PCDHGA5: variants seen among roughly 807,000 people sequenced by gnomAD.
PCDHGA5 encodes protocadherin gamma-A5.
In PCDHGA5, 36 loss-of-function variants were observed where a neutral mutation model predicts 56.7. The observed-to-expected ratio is 0.64, with a 90% confidence interval of 0.49 to 0.84. The LOEUF (loss-of-function observed/expected upper bound fraction) is 0.84. Among genes scored for constraint, PCDHGA5 ranks in the 40% least tolerant of loss-of-function variants. The probability of loss-of-function intolerance (pLI) is 0.00; values close to 1 mark genes in which losing one functional copy is unlikely to be tolerated. For missense variants in PCDHGA5, 1,305 were observed against 1,201.5 expected, an observed-to-expected ratio of 1.09 and a Z score of -1.27; for synonymous variants, 563 against 520.2, an observed-to-expected ratio of 1.08 and a Z score of -1.12.
intron 1 of PCDHGA5, among the ~76,000 whole-genome samples, chr5:141,458,821 C>T (rs1220034390): frequency 6.6e-6 from 1 of 152,146 alleles, no homozygotes; most frequent in Non-Finnish European, 1.5e-5. Flanking sequence ...CAACCTCTGC[C>T]TCCCAGGCTC....
Position 141,485,992 on chromosome 5 carries a change from C to T in PCDHGA5, c.2422-8815C>T. The T allele has an allele frequency of 6.2e-7, 1 of 1,614,156 alleles. No individual in the cohort carries two copies. The highest frequency in any genetic ancestry group is 2.2e-5 in the East Asian group (1 of 44,870). On this transcript the variant is annotated intron_variant, in intron 1 of 3. Coordinates refer to ENST00000518069, the MANE Select transcript of PCDHGA5 (RefSeq NM_018918.3). The surrounding 1 kb of genome is among the most constrained non-coding windows in gnomAD (Gnocchi z 5.7). ...ATGCCTCAGACCCGGACCTGGGTCC[C>T]AGTGGTAACGTCACCTTTTATTTCA...
intron 1 of PCDHGA5, chr5:141,415,748 T>TTG (rs2095929710): frequency 9.9e-7 from 1 of 1,008,886 alleles, no homozygotes; most frequent in South Asian, 2.7e-5. Context: ...AGGTTTTTTT[T>TTG]TTTTTTTTTT....
At chr5:141,426,174 G>A (rs1213063298) in intron 1 of PCDHGA5, 1 of 155,354 alleles carries the variant, frequency 6.4e-6, no homozygotes, top group Non-Finnish European at 1.4e-5. Flanking sequence ...ACGGATTGGG[G>A]TGCCCTCAAA....
At chr5:141,398,496 C>G (rs1435117425) in intron 1 of PCDHGA5, 2 of 1,608,668 alleles carry the variant, frequency 1.2e-6, no homozygotes, top group Admixed American at 1.7e-5. Context: ...ATGTGGAGAT[C>G]GAGGACATTA....
intron 1 of PCDHGA5, chr5:141,423,903 AG>A: frequency 7.8e-7 from 1 of 1,276,130 alleles, no homozygotes. Context: ...TTGATTTCAA[AG>A]GGGCCATTCA....
In PCDHGA5 at chr5:141,398,847, G is replaced by A. The variant is rs773663002; in HGVS notation, c.2421+32096G>A. On this transcript the variant is annotated intron_variant, in intron 1 of 3. Coordinates refer to ENST00000518069, the MANE Select transcript of PCDHGA5 (RefSeq NM_018918.3). Reference sequence around the variant, plus strand: ...TAACCGACGCCAATGATAATCCCCCGGTATTCAACCGAGACGTGTACAGAG... The same window carrying A: ...TAACCGACGCCAATGATAATCCCCCAGTATTCAACCGAGACGTGTACAGAG... The A allele has an allele frequency of 2.5e-6, 4 of 1,613,758 alleles. No homozygotes were observed. In the African/African-American group the frequency reaches 5.3e-5, roughly 22 times the overall value.
intron 1 of PCDHGA5, chr5:141,402,922 C>A: frequency 1.3e-6 from 2 of 1,576,446 alleles, no homozygotes; most frequent in Non-Finnish European, 8.6e-7. Flanking sequence ...GCACAGAGAT[C>A]CTTTTGAGAA....
rs778571401 is a variant in PCDHGA5, at chr5:141,371,690, C to T, written c.2421+4939C>T. On this transcript the variant is annotated intron_variant, in intron 1 of 3. Coordinates refer to ENST00000518069, the MANE Select transcript of PCDHGA5 (RefSeq NM_018918.3). ...CTACCGACAAAGGCAATCCACCGCTCTCCTCCAGCAAGACCATCACTCTGC... is the reference window on the plus strand; with the variant it reads ...CTACCGACAAAGGCAATCCACCGCTTTCCTCCAGCAAGACCATCACTCTGC... 14 of 1,614,078 alleles carry T rather than the reference C, an allele frequency of 8.7e-6. No homozygotes were observed. The Admixed American group carries it at 2.3e-4, about 27-fold the overall frequency.
intron 1 of PCDHGA5, chr5:141,413,362 C>G: frequency 1.2e-6 from 2 of 1,613,988 alleles, no homozygotes; most frequent in South Asian, 1.1e-5. Context: ...GCCCCGGGAG[C>G]TGGCGGAGCG....
intron 1 of PCDHGA5, among the ~76,000 whole-genome samples, chr5:141,470,598 G>A (rs2099234276): frequency 6.6e-6 from 1 of 152,184 alleles, no homozygotes; most frequent in Admixed American, 6.5e-5. Flanking sequence ...GGCGACCTGT[G>A]CGGGGACACA....
At chr5:141,387,967 C>G in intron 1 of PCDHGA5, 1 of 1,489,226 alleles carries the variant, frequency 6.7e-7, no homozygotes, top group Non-Finnish European at 9.0e-7. Flanking sequence ...TTCTGCCCGG[C>G]GCTCTGTGAG....
At chr5:141,456,119 C>G (rs902179639) in intron 1 of PCDHGA5, among the ~76,000 whole-genome samples, 3 of 151,826 alleles carry the variant, frequency 2.0e-5, no homozygotes, top group Non-Finnish European at 4.4e-5. Flanking sequence ...GGATGGTCTC[C>G]ATCTCCTGAC....
Position 141,431,674 on chromosome 5 carries a change from G to T in PCDHGA5, c.2422-63133G>T. 6.2e-7 allele frequency: 1 copy of T among 1,614,234 alleles called. No homozygotes were observed. ...ATTCAGGGACAATATCAACAATAGG[G>T]GAGTTGGACCACGAGGAGTCAGGAT... is the stretch of plus-strand genomic sequence containing the variant. On this transcript the variant is annotated intron_variant, in intron 1 of 3. Transcript: ENST00000518069. This position sits in a 1 kb window ranked among gnomAD's most constrained non-coding sequence, Gnocchi z 4.8.
At chr5:141,426,507 C>G in intron 1 of PCDHGA5, 1 of 342,512 alleles carries the variant, frequency 2.9e-6, no homozygotes, top group Non-Finnish European at 5.8e-6. Context: ...AGAAACAATA[C>G]TTTACCGTGA....
chr5:141,370,916 T>C, intron 1 of PCDHGA5: 1 of 1,614,016 alleles, frequency 6.2e-7, no homozygotes, highest in Non-Finnish European at 8.5e-7. Context: ...ACCTCAGCCC[T>C]GATCCGCACT....
chr5:141,438,617 TATATATATATATATATATACACAC>T (rs1311176771), intron 1 of PCDHGA5, among the ~76,000 whole-genome samples: 58 of 37,154 alleles, frequency 1.6e-3, no homozygotes, highest in African/African-American at 7.8e-3. Flanking sequence ...TATATATATA[TATATATATATATATATATACACAC>T]ACACACACAC....
intron 1 of PCDHGA5, chr5:141,395,873 G>A (rs1430280971): frequency 6.6e-6 from 1 of 152,046 alleles, no homozygotes; most frequent in Non-Finnish European, 1.5e-5. Flanking sequence ...TTAAGTATGT[G>A]AGTCAGTGGT....
intron 1 of PCDHGA5, chr5:141,412,671 A>T (rs1335241581): frequency 6.6e-6 from 1 of 152,290 alleles, no homozygotes; most frequent in Non-Finnish European, 1.5e-5. Flanking sequence ...AATATGACCT[A>T]AAATAAGTAT....
rs115568443 is a variant in PCDHGA5 at position 141,439,423 on chromosome 5, A to G, written c.2422-55384A>G. On this transcript the variant is annotated intron_variant, in intron 1 of 3. Coordinates refer to ENST00000518069, the MANE Select transcript of PCDHGA5 (RefSeq NM_018918.3). ...TGTGCTAACATCACTGAGGTTATAA[A>G]TTCCCAGGAATATTTTATTGCGGGA... 1.0e-2 allele frequency among the ~76,000 whole-genome samples: 1,522 copies of G among 152,306 alleles called. 34 individuals carry two copies. Among genetic ancestry groups the G allele is most frequent in the African/African-American group, 0.034 (1,425 of 41,558 alleles).
Sources: allele counts gnomAD v4.1 joint callset (sites outside exome capture counted in the v4.1 genomes callset), GRCh38; gene constraint gnomAD v4.1.1; non-coding constraint Gnocchi (gnomAD v3.1); transcripts MANE v1.5; gene names NCBI Gene and HGNC (gene_info 2026-07-23, HGNC 2026-07-21).